CNTNAP2: variants seen among roughly 807,000 people sequenced by gnomAD.
CNTNAP2 encodes the protein contactin associated protein 2.
In CNTNAP2, 98 loss-of-function variants were observed where a neutral mutation model predicts 155.2. The observed-to-expected ratio is 0.63, with a 90% confidence interval of 0.54 to 0.75. The LOEUF is 0.75. Ranked by LOEUF, CNTNAP2 falls within the 30% of genes least tolerant of loss-of-function variation. CNTNAP2 has a pLI of 0.00. For missense variants in CNTNAP2, 1,727 were observed against 1,688.1 expected (o/e 1.02, Z -0.40); for synonymous variants, 651 against 631.2 (o/e 1.03, Z -0.47).
chr7:147,887,172 C>T (rs1430092335), intron 13 of CNTNAP2, among the ~76,000 whole-genome samples: 1 of 152,152 alleles, frequency 6.6e-6, no homozygotes, highest in African/African-American at 2.4e-5. Flanking sequence ...CCCCCATAAA[C>T]ATTTTTAAAA....
intron 13 of CNTNAP2, among the ~76,000 whole-genome samples, chr7:147,826,180 G>T (rs1413742140): frequency 6.6e-6 from 1 of 152,142 alleles, no homozygotes; most frequent in African/African-American, 2.4e-5. Flanking sequence ...AAAGACTGAA[G>T]CTGAGAACAC....
Position 148,217,439 on chromosome 7 carries a change from C to A in CNTNAP2, c.3162C>A (p.Ser1054Arg), listed in dbSNP as rs1207210549. 1 of 1,614,192 alleles carries A rather than the reference C, an allele frequency of 6.2e-7. No individual in the cohort carries two copies. The highest frequency in any genetic ancestry group is 1.7e-5 in the Admixed American group (1 of 60,018). ...TGGCACAGGAGGAGATCCGCTTCAG[C>A]TTCAGCACCACCAAGGCGCCCTGCA... ...PDLAQEEIRFSFSTTKAPCIL... is the reference protein window; with the variant it reads ...PDLAQEEIRFRFSTTKAPCIL... The change falls in exon 19 of 24, where the codon AGC (serine) becomes AGA (arginine). Residue 1054 changes from serine to arginine, a missense_variant. Coordinates refer to ENST00000361727, the MANE Select transcript of CNTNAP2 (RefSeq NM_014141.6).
intron 11 of CNTNAP2, among the ~76,000 whole-genome samples, chr7:147,492,148 G>A (rs1798620287): frequency 6.6e-6 from 1 of 152,152 alleles, no homozygotes; most frequent in African/African-American, 2.4e-5. Flanking sequence ...GTAAGGGGAT[G>A]GTTCCAGATG....
chr7:147,538,917 T>A (rs997660090), intron 11 of CNTNAP2, among the ~76,000 whole-genome samples: 1 of 151,972 alleles, frequency 6.6e-6, no homozygotes, highest in African/African-American at 2.4e-5. Flanking sequence ...AAGAAAAAAA[T>A]TTTTGAACCG....
At chr7:147,551,738 T>G (rs556640621) in intron 11 of CNTNAP2, among the ~76,000 whole-genome samples, 27 of 152,190 alleles carry the variant, frequency 1.8e-4, no homozygotes, top group Non-Finnish European at 3.7e-4. Context: ...GCTGTTTCGG[T>G]TTGAAAAAAG....
At chr7:147,801,837 G>A (rs1196229152) in intron 13 of CNTNAP2, among the ~76,000 whole-genome samples, 2 of 147,746 alleles carry the variant, frequency 1.4e-5, no homozygotes, top group African/African-American at 5.1e-5. Context: ...TGACCTGCTG[G>A]GCACACCTCC....
intron 21 of CNTNAP2, among the ~76,000 whole-genome samples, chr7:148,317,740 G>A (rs1000883426): frequency 3.3e-5 from 5 of 149,970 alleles, no homozygotes; most frequent in African/African-American, 9.8e-5. Context: ...TTGCTCTTTC[G>A]CCCAGGCTGA....
intron 1 of CNTNAP2, among the ~76,000 whole-genome samples, chr7:146,247,013 G>T (rs1799671431): frequency 6.6e-6 from 1 of 152,206 alleles, no homozygotes; most frequent in South Asian, 2.1e-4. Flanking sequence ...ATTAAATCCT[G>T]TTGTGGGGTT....
chr7:146,150,656 T>C (rs1382606224), intron 1 of CNTNAP2, among the ~76,000 whole-genome samples: 7 of 152,178 alleles, frequency 4.6e-5, no homozygotes, highest in Admixed American at 4.6e-4. Context: ...GATTCTATAA[T>C]TCCTTTTATT....
chr7:148,369,342 G>T (rs1199792424), intron 21 of CNTNAP2, among the ~76,000 whole-genome samples: 1 of 151,394 alleles, frequency 6.6e-6, no homozygotes, highest in African/African-American at 2.4e-5. Flanking sequence ...GGAATTACAG[G>T]GGTGTGCCAC....
intron 11 of CNTNAP2, among the ~76,000 whole-genome samples, chr7:147,505,255 G>A (rs1798886647): frequency 6.6e-6 from 1 of 152,028 alleles, no homozygotes. Context: ...AAAGGTGTTG[G>A]GAAAGAAATC....
chr7:147,643,407 G>T (rs1795317607), intron 13 of CNTNAP2: 1 of 152,140 alleles, frequency 6.6e-6, no homozygotes, highest in Non-Finnish European at 1.5e-5. Flanking sequence ...CTGCAGAATA[G>T]CTGACGCAAG....
intron 2 of CNTNAP2, among the ~76,000 whole-genome samples, chr7:146,831,163 T>C (rs1803502615): frequency 6.6e-6 from 1 of 152,216 alleles, no homozygotes; most frequent in Admixed American, 6.5e-5. Context: ...TTCCTAAATA[T>C]TTACAACTCA....
intron 8 of CNTNAP2, among the ~76,000 whole-genome samples, chr7:147,165,282 C>T (rs533419720): frequency 6.6e-6 from 1 of 151,984 alleles, no homozygotes; most frequent in South Asian, 2.1e-4. Flanking sequence ...TATTTGTTGG[C>T]CATTTGTATA....
intron 10 of CNTNAP2, among the ~76,000 whole-genome samples, chr7:147,422,662 TC>T (rs1413400108): frequency 1.4e-4 from 21 of 152,140 alleles, no homozygotes; most frequent in African/African-American, 5.1e-4. Flanking sequence ...CAGAAAATAG[TC>T]ACAGATAATT....
At chr7:146,848,227 T>C (rs1472083322) in intron 3 of CNTNAP2, among the ~76,000 whole-genome samples, 3 of 152,154 alleles carry the variant, frequency 2.0e-5, no homozygotes, top group Non-Finnish European at 4.4e-5. Flanking sequence ...GTGTTGCTTT[T>C]GATATTTGAA....
chr7:146,164,709 C>G (rs1049822297), intron 1 of CNTNAP2, among the ~76,000 whole-genome samples: 1 of 152,176 alleles, frequency 6.6e-6, no homozygotes, highest in Non-Finnish European at 1.5e-5. Context: ...TTGATTCTTT[C>G]TAATGACTTC....
At chr7:146,480,674 ATT>A (rs760942394) in intron 1 of CNTNAP2, among the ~76,000 whole-genome samples, 15,738 of 137,260 alleles carry the variant, frequency 0.11, 1,123 homozygotes, top group African/African-American at 0.21. Context: ...ATATATATAT[ATT>A]TTTTTTTTTC....
In CNTNAP2 at chr7:147,501,182, T is replaced by C. The variant is rs889018227; in HGVS notation, c.1777+15141T>C. Among the ~76,000 whole-genome samples, 4 of 151,436 alleles carry C rather than the reference T, an allele frequency of 2.6e-5. No homozygotes were observed. The Admixed American group carries it at 2.6e-4, about 10-fold the overall frequency. Reference sequence around the variant, plus strand: ...AAGAAGCATTTGACAAAATTCAACATCCTTTCATAATAAAAACTCTCAGCA... The same window carrying C: ...AAGAAGCATTTGACAAAATTCAACACCCTTTCATAATAAAAACTCTCAGCA... On this transcript the variant is annotated intron_variant, in intron 11 of 23. Coordinates refer to ENST00000361727, the MANE Select transcript of CNTNAP2 (RefSeq NM_014141.6).
Sources: gnomAD v4.1 joint callset for allele counts (sites outside exome capture counted in the v4.1 genomes callset) on GRCh38, gnomAD v4.1.1 for gene constraint, MANE v1.5 for transcripts, NCBI Gene and HGNC (gene_info 2026-07-23, HGNC 2026-07-21) for gene names.